The following ABLIM1 variants were observed in gnomAD, a reference collection of about 807,000 sequenced individuals.
ABLIM1 encodes the protein actin binding LIM protein 1.
Under a neutral mutation model 107.0 loss-of-function variants are expected in ABLIM1, and 40 were observed. The observed-to-expected ratio is 0.37, with a 90% CI of 0.29 to 0.49. ABLIM1 has a LOEUF of 0.49. ABLIM1 is among the 20% of genes least tolerant of loss of function. The probability of loss-of-function intolerance (pLI) is 0.97; values close to 1 mark genes in which losing one functional copy is unlikely to be tolerated. For synonymous variants in ABLIM1, 357 were observed against 357.3 expected (o/e 1.00, Z 0.01); for missense variants, 857 against 1,008.5 (o/e 0.85, Z 2.04).
At chr10:114,556,735 G>A (rs1173355467) in intron 4 of ABLIM1, among the ~76,000 whole-genome samples, 1 of 152,142 alleles carries the variant, frequency 6.6e-6, no homozygotes. Flanking sequence ...TCTTCATCCA[G>A]GCTGTTCAAT....
chr10:114,440,072 T>A lies in ABLIM1; in HGVS notation c.2067+10A>T. ...TGTGGCCAATTCAAGAAAGACAAAG[T>A]GTTCCATACCTGGTAATCTGAAAAG... On this transcript the variant is annotated intron_variant, in intron 20 of 22. Coordinates refer to ENST00000533213, the MANE Select transcript of ABLIM1 (RefSeq NM_002313.7). The A allele has an allele frequency of 6.2e-7, 1 of 1,613,774 alleles. No homozygotes were observed. The highest frequency in any genetic ancestry group is 8.5e-7 in the Non-Finnish European group (1 of 1,179,992).
intron 6 of ABLIM1, among the ~76,000 whole-genome samples, chr10:114,544,092 C>T (rs1470634250): frequency 6.6e-6 from 1 of 152,176 alleles, no homozygotes; most frequent in African/African-American, 2.4e-5. Context: ...AGATCTGTGT[C>T]TGTGTCTCTG....
At chr10:114,514,491 G>C (rs1178857962) in intron 6 of ABLIM1, among the ~76,000 whole-genome samples, 1 of 151,984 alleles carries the variant, frequency 6.6e-6, no homozygotes, top group African/African-American at 2.4e-5. Flanking sequence ...TCCCACCTCA[G>C]CCTCCCAAGT....
intron 6 of ABLIM1, among the ~76,000 whole-genome samples, chr10:114,516,516 T>C (rs1020734700): frequency 6.6e-6 from 1 of 152,106 alleles, no homozygotes; most frequent in Non-Finnish European, 1.5e-5. Context: ...AGAGCAAGAC[T>C]CTGTCTCCAA....
intron 4 of ABLIM1, among the ~76,000 whole-genome samples, chr10:114,570,574 C>T (rs1379003394): frequency 1.4e-5 from 2 of 144,948 alleles, no homozygotes; most frequent in Non-Finnish European, 1.5e-5. Context: ...TTCTGGGTCA[C>T]ATGGTAGTTC....
At chr10:114,704,294 CTCTCTCTCTATATATATATATATATA>C (rs1249463286) in intron 1 of ABLIM1, among the ~76,000 whole-genome samples, 2 of 28,462 alleles carry the variant, frequency 7.0e-5, no homozygotes, top group African/African-American at 2.6e-4. Flanking sequence ...CTCTCTCTCT[CTCTCTCTCTATATATATATATATATA>C]TATATATATA....
At chr10:114,697,057 C>T (rs74791985) in intron 1 of ABLIM1, among the ~76,000 whole-genome samples, 4,303 of 152,228 alleles carry the variant, frequency 0.028, 193 homozygotes, top group African/African-American at 0.092. Flanking sequence ...ATCTGAATCT[C>T]TCGGCCTCAT....
chr10:114,795,589 G>C, the ABLIM1 span, among the ~76,000 whole-genome samples: 1 of 151,932 alleles, frequency 6.6e-6, no homozygotes, highest in African/African-American at 2.4e-5. Flanking sequence ...CGAGCCTGTA[G>C]TATCAGCCAC....
chr10:114,655,403 C>T (rs951942863), intron 1 of ABLIM1, among the ~76,000 whole-genome samples: 4 of 152,286 alleles, frequency 2.6e-5, no homozygotes, highest in Admixed American at 6.5e-5. Context: ...ACCTGGCTTC[C>T]CCTTGCCTTC....
At chr10:114,494,920 A>G (rs1168454654) in intron 6 of ABLIM1, among the ~76,000 whole-genome samples, 2 of 152,212 alleles carry the variant, frequency 1.3e-5, no homozygotes, top group Non-Finnish European at 2.9e-5. Context: ...TTAGGAACCT[A>G]GTATATTGCC....
chr10:114,654,372 TC>T (rs2079394727), intron 1 of ABLIM1, among the ~76,000 whole-genome samples: 1 of 152,246 alleles, frequency 6.6e-6, no homozygotes, highest in Non-Finnish European at 1.5e-5. Flanking sequence ...ATATTGCAAT[TC>T]TATTATTATT....
intron 6 of ABLIM1, among the ~76,000 whole-genome samples, chr10:114,534,419 C>T (rs1213693474): frequency 6.6e-6 from 1 of 151,538 alleles, no homozygotes; most frequent in Non-Finnish European, 1.5e-5. Context: ...GCTATTGAAT[C>T]CCAGCCATTT....
In ABLIM1 at chr10:114,603,039, A is replaced by G. The variant is rs1326873598; in HGVS notation, c.245-1078T>C. On this transcript the variant is annotated intron_variant, in intron 1 of 22. Coordinates refer to ENST00000533213, the MANE Select transcript of ABLIM1 (RefSeq NM_002313.7). Reference sequence around the variant, plus strand: ...GGGCCTCAGAAGGAGGAACATGGTGATATATAAAAACATACTCCTTAAGGA... The same window carrying G: ...GGGCCTCAGAAGGAGGAACATGGTGGTATATAAAAACATACTCCTTAAGGA... Among the ~76,000 whole-genome samples, 4 of 152,314 alleles carry G rather than the reference A, an allele frequency of 2.6e-5. No individual in the cohort carries two copies. In the East Asian group the frequency reaches 7.7e-4, roughly 29 times the overall value.
intron 6 of ABLIM1, among the ~76,000 whole-genome samples, chr10:114,517,426 A>C (rs1256940611): frequency 6.6e-6 from 1 of 151,882 alleles, no homozygotes; most frequent in Non-Finnish European, 1.5e-5. Flanking sequence ...GATGAAGCAG[A>C]CCCTCCAGCA....
At chr10:114,633,799 C>A (rs1385649705) in intron 1 of ABLIM1, among the ~76,000 whole-genome samples, 5 of 152,138 alleles carry the variant, frequency 3.3e-5, no homozygotes, top group Middle Eastern at 3.2e-3. Flanking sequence ...CCCTCAGAGC[C>A]TTTAAGGAGA....
chr10:114,489,982 T>C (rs1202062801), intron 7 of ABLIM1, among the ~76,000 whole-genome samples: 1 of 152,206 alleles, frequency 6.6e-6, no homozygotes, highest in South Asian at 2.1e-4. Flanking sequence ...AGAACCACTC[T>C]GAATTGCAGA....
chr10:114,500,744 AAGGGAAGGGAAGGGAAG>A (rs2060306076), intron 6 of ABLIM1, among the ~76,000 whole-genome samples: 3 of 103,270 alleles, frequency 2.9e-5, no homozygotes, highest in Admixed American at 1.0e-4. Flanking sequence ...AAGGGAAGGG[AAGGGAAGGGAAGGGAAG>A]GGAAGGGAAG....
intron 1 of ABLIM1, among the ~76,000 whole-genome samples, chr10:114,614,490 C>A (rs2077003668): frequency 6.6e-6 from 1 of 152,090 alleles, no homozygotes; most frequent in Non-Finnish European, 1.5e-5. Context: ...CCCACCCCAG[C>A]AAATGTCCTC....
chr10:114,473,227 C>T lies in ABLIM1; in HGVS notation c.1120-95G>A, dbSNP rs182340055. On this transcript the variant is annotated intron_variant, in intron 9 of 22. Transcript: ENST00000533213. ...TTTCCTGTTGTTTAAAAAGTGAAGG[C>T]CTTAAAATAAACAAAAACCAAAACA... is the stretch of plus-strand genomic sequence containing the variant. 1.1e-5 allele frequency: 14 copies of T among 1,326,556 alleles called. No individual in the cohort carries two copies. The East Asian group carries it at 3.3e-4, about 31-fold the overall frequency. The allele number at this position is 1,326,556 out of a possible 1,614,324, so 82.2% of individuals were successfully genotyped here. A position where few individuals can be genotyped will look rare whatever the true frequency, so the allele number is the denominator to read the frequency against.
Sources: allele counts gnomAD v4.1 joint callset (sites outside exome capture counted in the v4.1 genomes callset), GRCh38; gene constraint gnomAD v4.1.1; transcripts MANE v1.5; gene names NCBI Gene and HGNC (gene_info 2026-07-23, HGNC 2026-07-21).